SLC36A1: variants seen among roughly 807,000 people sequenced by gnomAD.
SLC36A1 encodes the protein proton-coupled amino acid transporter 1.
In SLC36A1, 30 loss-of-function variants were observed where a neutral mutation model predicts 47.5. The observed-to-expected ratio is 0.63, with a 90% CI of 0.47 to 0.86. The LOEUF (loss-of-function observed/expected upper bound fraction) is 0.86, where lower values mean the gene tolerates loss of function less well. Among genes scored for constraint, SLC36A1 ranks in the 40% least tolerant of loss-of-function variants. SLC36A1 has a pLI of 0.00. For missense variants in SLC36A1, 517 were observed against 606.0 expected, an observed-to-expected ratio of 0.85 and a Z score of 1.54; for synonymous variants, 255 against 249.7, an observed-to-expected ratio of 1.02 and a Z score of -0.20.
chr5:151,427,082 A>G, the SLC36A1 span, among the ~76,000 whole-genome samples: 1 of 152,042 alleles, frequency 6.6e-6, no homozygotes, highest in Non-Finnish European at 1.5e-5. Context: ...GGAGTTTTTT[A>G]TGTCTTCTTT....
chr5:151,483,958 T>A (rs1271264409), intron 10 of SLC36A1, among the ~76,000 whole-genome samples: 1 of 152,208 alleles, frequency 6.6e-6, no homozygotes, highest in East Asian at 1.9e-4. Flanking sequence ...AAATCTCTAT[T>A]AAGGATATTT....
chr5:151,526,094 T>C, the SLC36A1 span: 1 of 882,302 alleles, frequency 1.1e-6, no homozygotes, highest in African/African-American at 1.7e-5. Flanking sequence ...TGCCTGGACA[T>C]CAAGCTGCTG....
At chr5:151,543,088 T>A in the SLC36A1 span, 6 of 1,614,178 alleles carry the variant, frequency 3.7e-6, no homozygotes, top group Non-Finnish European at 5.1e-6. Flanking sequence ...AGGAACCACC[T>A]GAAGTCGTAC....
intron 1 of SLC36A1, among the ~76,000 whole-genome samples, chr5:151,450,264 G>A (rs1350157260): frequency 1.3e-5 from 2 of 152,096 alleles, no homozygotes; most frequent in South Asian, 2.1e-4. Context: ...CCACTTACTA[G>A]CATGTGGGAT....
chr5:151,523,051 A>G, the SLC36A1 span, among the ~76,000 whole-genome samples: 362 of 152,302 alleles, frequency 2.4e-3, 1 homozygote, highest in African/African-American at 7.9e-3. Context: ...CAGTGATGTT[A>G]TCACTTCCTC....
At chr5:151,535,604 C>T in the SLC36A1 span, among the ~76,000 whole-genome samples, 1 of 152,156 alleles carries the variant, frequency 6.6e-6, no homozygotes, top group African/African-American at 2.4e-5. Flanking sequence ...AACCAGTAAA[C>T]ACAAGTGTTT....
At chr5:151,467,973 A>G in intron 7 of SLC36A1, 48 bp downstream of exon 7, 1 of 1,550,620 alleles carries the variant, frequency 6.4e-7, no homozygotes, top group Non-Finnish European at 8.9e-7. Flanking sequence ...TATTTTAAAA[A>G]AGCCAGGCGT....
the SLC36A1 span, among the ~76,000 whole-genome samples, chr5:151,388,640 C>G: frequency 1.3e-5 from 2 of 151,356 alleles, no homozygotes; most frequent in Admixed American, 1.3e-4. Flanking sequence ...GCCACCGTCA[C>G]TAGTATTTGG....
At chr5:151,415,513 C>T in the SLC36A1 span, among the ~76,000 whole-genome samples, 1 of 152,154 alleles carries the variant, frequency 6.6e-6, no homozygotes. Context: ...TACCCTTCAA[C>T]TCGTAGCTTA....
chr5:151,346,538 G>C, the SLC36A1 span, among the ~76,000 whole-genome samples: 11 of 152,168 alleles, frequency 7.2e-5, no homozygotes, highest in Admixed American at 1.3e-4. Flanking sequence ...CTGATTCTCT[G>C]TCCAGTGCTC....
At chr5:151,516,054 G>A in the SLC36A1 span, among the ~76,000 whole-genome samples, 1 of 152,108 alleles carries the variant, frequency 6.6e-6, no homozygotes, top group South Asian at 2.1e-4. Context: ...GCTTAAACAT[G>A]CTAAGCATTC....
the SLC36A1 span, among the ~76,000 whole-genome samples, chr5:151,428,431 G>A: frequency 6.6e-6 from 1 of 152,096 alleles, no homozygotes; most frequent in Non-Finnish European, 1.5e-5. Flanking sequence ...TCATTCCCCT[G>A]GCTGCATCTC....
chr5:151,522,698 G>C, the SLC36A1 span, among the ~76,000 whole-genome samples: 1 of 152,222 alleles, frequency 6.6e-6, no homozygotes, highest in Non-Finnish European at 1.5e-5. Context: ...AGTCTCTGTG[G>C]AGTGACATTT....
At chr5:151,472,172 C>T (rs1757398311) in intron 7 of SLC36A1, among the ~76,000 whole-genome samples, 1 of 152,242 alleles carries the variant, frequency 6.6e-6, no homozygotes, top group South Asian at 2.1e-4. Context: ...AACAGGCCGT[C>T]TGCAGGCTGA....
chr5:151,425,150 G>A, the SLC36A1 span, among the ~76,000 whole-genome samples: 1 of 152,186 alleles, frequency 6.6e-6, no homozygotes, highest in African/African-American at 2.4e-5. Context: ...AGAGAGAAAT[G>A]GTCACAAGGA....
At chr5:151,367,374 T>TTC in the SLC36A1 span, among the ~76,000 whole-genome samples, 8 of 145,466 alleles carry the variant, frequency 5.5e-5, no homozygotes, top group African/African-American at 2.1e-4. Context: ...TTTTTTTTTT[T>TTC]CCCCAGGGTA....
chr5:151,394,189 T>C, the SLC36A1 span, among the ~76,000 whole-genome samples: 7 of 152,242 alleles, frequency 4.6e-5, no homozygotes, highest in Non-Finnish European at 7.3e-5. Context: ...TTCCAGTTGA[T>C]TGAATCAGCT....
chr5:151,538,173 C>T, the SLC36A1 span, among the ~76,000 whole-genome samples: 24,833 of 152,012 alleles, frequency 0.16, 2,346 homozygotes, highest in East Asian at 0.27. Context: ...GCAAGGAAAA[C>T]TGAGGTTTAA....
chr5:151,429,198 ATTT>A, the SLC36A1 span, among the ~76,000 whole-genome samples: 19 of 151,538 alleles, frequency 1.3e-4, no homozygotes, highest in African/African-American at 3.2e-4. Flanking sequence ...TTTTATTTTT[ATTT>A]TTTAAAATTT....
Sources: allele counts gnomAD v4.1 joint callset (sites outside exome capture counted in the v4.1 genomes callset), GRCh38; gene constraint gnomAD v4.1.1; transcripts MANE v1.5; gene names NCBI Gene and HGNC (gene_info 2026-07-23, HGNC 2026-07-21).